SOS2: variants seen among roughly 807,000 people sequenced by gnomAD.
SOS2 encodes SOS Ras/Rho guanine nucleotide exchange factor 2.
SOS2 carries 65 observed loss-of-function variants against 148.2 expected under a neutral mutation model. The observed-to-expected ratio is 0.44, with a 90% confidence interval of 0.36 to 0.54. The LOEUF (loss-of-function observed/expected upper bound fraction) is 0.54. Among genes scored for constraint, SOS2 ranks in the 20% least tolerant of loss-of-function variants. The probability of loss-of-function intolerance (pLI) is 0.00; values close to 1 mark genes in which losing one functional copy is unlikely to be tolerated. For missense variants in SOS2, 1,341 were observed against 1,590.2 expected, an observed-to-expected ratio of 0.84 and a Z score of 2.67; for synonymous variants, 539 against 537.1, an observed-to-expected ratio of 1.00 and a Z score of -0.05.
chr14:50,188,147 A>T (rs1885982379), intron 5 of SOS2, among the ~76,000 whole-genome samples: 1 of 152,216 alleles, frequency 6.6e-6, no homozygotes, highest in Non-Finnish European at 1.5e-5. Flanking sequence ...TCATGCGTAT[A>T]ATCCCAGCAC....
At chr14:50,171,176 G>C (rs1885349729) in intron 8 of SOS2, among the ~76,000 whole-genome samples, 1 of 151,516 alleles carries the variant, frequency 6.6e-6, no homozygotes, top group East Asian at 1.9e-4. Context: ...GGAGAAATCA[G>C]AACCCTGTGC....
intron 7 of SOS2, among the ~76,000 whole-genome samples, chr14:50,178,437 C>T (rs1263601808): frequency 6.6e-6 from 1 of 151,964 alleles, no homozygotes; most frequent in Non-Finnish European, 1.5e-5. Flanking sequence ...AATCTCTTTT[C>T]TTTATAAATC....
intron 4 of SOS2, among the ~76,000 whole-genome samples, chr14:50,190,753 G>A (rs1047036285): frequency 4.6e-5 from 7 of 152,044 alleles, no homozygotes; most frequent in African/African-American, 1.7e-4. Flanking sequence ...CATGTTCTGT[G>A]ACACTCTCAA....
intron 3 of SOS2, 120 bp downstream of exon 3, chr14:50,200,833 A>G: frequency 1.3e-6 from 1 of 770,252 alleles, no homozygotes; most frequent in Non-Finnish European, 2.1e-6. Context: ...AAGCATACAT[A>G]TGGAAGTGCA....
chr14:50,211,179 A>G (rs1015234102), intron 1 of SOS2, among the ~76,000 whole-genome samples: 2 of 152,168 alleles, frequency 1.3e-5, no homozygotes, highest in African/African-American at 4.8e-5. Flanking sequence ...TAAAATACAA[A>G]CCAGATTCAA....
intron 1 of SOS2, among the ~76,000 whole-genome samples, chr14:50,223,573 G>C (rs1194762660): frequency 2.6e-5 from 4 of 152,012 alleles, no homozygotes; most frequent in African/African-American, 9.7e-5. Context: ...TACTCGGGAG[G>C]CTGAGGCAGG....
chr14:50,136,021 G>A (rs528038823), intron 18 of SOS2, among the ~76,000 whole-genome samples: 1 of 152,040 alleles, frequency 6.6e-6, no homozygotes, highest in Non-Finnish European at 1.5e-5. Context: ...TTAGCAGTAG[G>A]CAAAATGAGC....
intron 7 of SOS2, among the ~76,000 whole-genome samples, chr14:50,178,719 TATACACACAC>T (rs1885622781): frequency 7.4e-5 from 1 of 13,564 alleles, no homozygotes; most frequent in Admixed American, 1.2e-3. Context: ...TATACACACA[TATACACACAC>T]ATATATATAT....
rs549245312 is a variant in SOS2, at chr14:50,207,783, G to C, written c.88-3374C>G. On this transcript the variant is annotated intron_variant, in intron 1 of 22. Coordinates refer to ENST00000216373, the MANE Select transcript of SOS2 (RefSeq NM_006939.4). ...CAGCTAGGTGTGGTGGCACAGGCTT[G>C]TAATCTTAGCTACTTGGGTGGCTAA... 2.3e-4 allele frequency among the ~76,000 whole-genome samples: 35 copies of C among 151,628 alleles called. No homozygotes were observed. In the South Asian group the frequency reaches 6.9e-3, roughly 30 times the overall value.
In SOS2 at chr14:50,160,075, C is replaced by G. The variant is rs201821194; in HGVS notation, c.1208G>C (p.Cys403Ser). The change falls in exon 10 of 23, where the codon TGC becomes TCC. Residue 403 changes from cysteine to serine, a missense_variant. Physicochemically the swap from Cys to Ser is moderately radical, Grantham distance 112 (BLOSUM62 -1). Coordinates refer to ENST00000216373, the MANE Select transcript of SOS2 (RefSeq NM_006939.4). ...SPRRRPGDPV[C>S]PFYSHQLRSK... ...TCTTAATTGGTGACTATAAAAAGGG[C>G]AAACAGGATCTCTAGAAAAAACAAA... 2.8e-5 allele frequency: 45 copies of G among 1,608,450 alleles called. No homozygotes were observed. Among genetic ancestry groups the G allele is most frequent in the Non-Finnish European group, 3.6e-5 (42 of 1,177,370 alleles).
chr14:50,220,560 C>T (rs182452571), intron 1 of SOS2, among the ~76,000 whole-genome samples: 1 of 152,106 alleles, frequency 6.6e-6, no homozygotes, highest in African/African-American at 2.4e-5. Context: ...GTTTTCATTT[C>T]ACTGGAAATG....
chr14:50,182,582 T>C lies in SOS2; in HGVS notation c.739A>G (p.Ile247Val). The C allele has an allele frequency of 6.2e-7, 1 of 1,605,364 alleles. No homozygotes were observed. The highest frequency in any genetic ancestry group is 8.5e-7 in the Non-Finnish European group (1 of 1,173,208). Residue 247 changes from isoleucine (I) to valine (V), a missense_variant, in exon 6 of 23, where the codon ATT becomes GTT. Physicochemically the swap from Ile to Val is conservative, Grantham distance 29 (BLOSUM62 3). Around this residue, in one of 4 missense-constraint regions of SOS2, gnomAD observed 574 missense variants for 711.1 expected, o/e 0.81. Transcript: ENST00000216373. The stretch of plus-strand genomic sequence containing the variant: ...ACAGTCAATTCATGTATATCTGAAA[T>C]GTTACTAAAAATCTTTTCGATATCC... ...PSDIEKIFSN[I>V]SDIHELTVKL...
At chr14:50,180,027 CAG>C (rs1258268819) in intron 7 of SOS2, among the ~76,000 whole-genome samples, 1 of 151,254 alleles carries the variant, frequency 6.6e-6, no homozygotes, top group African/African-American at 2.4e-5. Context: ...TTTTTTGAGA[CAG>C]AGTCTCACTA....
chr14:50,171,517 A>G (rs1164643173), intron 8 of SOS2, among the ~76,000 whole-genome samples: 1 of 151,640 alleles, frequency 6.6e-6, no homozygotes, highest in Non-Finnish European at 1.5e-5. Flanking sequence ...AACCCTGTCT[A>G]TACTAAAAAT....
intron 4 of SOS2, among the ~76,000 whole-genome samples, chr14:50,193,432 T>C (rs1444023572): frequency 1.3e-5 from 2 of 152,184 alleles, no homozygotes; most frequent in African/African-American, 2.4e-5. Context: ...GTAACTTATA[T>C]ACTAGAAGTT....
chr14:50,185,421 G>A (rs1566842595), intron 5 of SOS2, among the ~76,000 whole-genome samples: 2 of 152,150 alleles, frequency 1.3e-5, no homozygotes, highest in Admixed American at 1.3e-4. Context: ...GTCAGGCGCG[G>A]TGGCTCATGC....
chr14:50,205,369 C>T (rs1285468613), intron 1 of SOS2, among the ~76,000 whole-genome samples: 1 of 151,994 alleles, frequency 6.6e-6, no homozygotes, highest in East Asian at 1.9e-4. Flanking sequence ...CTTTTTATGC[C>T]ATGAAGTCAG....
chr14:50,174,414 T>C (rs1885461001), intron 8 of SOS2, 40 bp downstream of exon 8: 2 of 1,089,174 alleles, frequency 1.8e-6, no homozygotes, highest in Non-Finnish European at 2.7e-6. Flanking sequence ...TAAACTCTTC[T>C]ATTAGATAAG....
At chr14:50,130,834 CCTTATTAGT>C in intron 19 of SOS2, 72 bp from the exon 20 acceptor site, 4 of 1,320,096 alleles carry the variant, frequency 3.0e-6, no homozygotes, top group Non-Finnish European at 4.2e-6. Flanking sequence ...CTTAGAGCTA[CCTTATTAGT>C]CTTATTAGTT....
Sources: gnomAD v4.1 joint callset for allele counts (sites outside exome capture counted in the v4.1 genomes callset) on GRCh38, gnomAD v4.1.1 for gene constraint, gnomAD v4.1.1 regional missense constraint, MANE v1.5 for transcripts, NCBI Gene and HGNC (gene_info 2026-07-23, HGNC 2026-07-21) for gene names.